RABGAP1: variants seen among roughly 807,000 people sequenced by gnomAD.
RABGAP1 encodes the protein RAB GTPase activating protein 1.
RABGAP1 carries 23 observed loss-of-function variants against 137.6 expected under a neutral mutation model. The observed-to-expected ratio is 0.17, with a 90% CI of 0.12 to 0.24. RABGAP1 has a LOEUF of 0.24. Among genes scored for constraint, RABGAP1 ranks in the 10% least tolerant of loss-of-function variants. The pLI, the probability that RABGAP1 is intolerant of heterozygous loss-of-function variation, is 1.00. For missense variants in RABGAP1, 906 were observed against 1,275.8 expected (o/e 0.71, Z 4.42); for synonymous variants, 451 against 450.7 (o/e 1.00, Z -0.01).
intron 10 of RABGAP1, among the ~76,000 whole-genome samples, chr9:123,004,144 T>A (rs1249875113): frequency 6.6e-6 from 1 of 152,226 alleles, no homozygotes; most frequent in Non-Finnish European, 1.5e-5. Context: ...ATTAGGTTGT[T>A]CCAGTATTTC....
chr9:122,945,035 C>A (rs934560640), intron 1 of RABGAP1, among the ~76,000 whole-genome samples: 5 of 151,078 alleles, frequency 3.3e-5, no homozygotes, highest in African/African-American at 1.2e-4. Context: ...ATGTAGTTAC[C>A]TTGTTTTACT....
At chr9:123,041,828 T>C (rs761280770) in intron 13 of RABGAP1, among the ~76,000 whole-genome samples, 1 of 152,160 alleles carries the variant, frequency 6.6e-6, no homozygotes, top group Non-Finnish European at 1.5e-5. Flanking sequence ...CCTATAAGCA[T>C]AGAGACTAAA....
chr9:123,082,377 A>G (rs2034735815), intron 19 of RABGAP1, among the ~76,000 whole-genome samples: 1 of 152,226 alleles, frequency 6.6e-6, no homozygotes, highest in South Asian at 2.1e-4. Flanking sequence ...ATTCCATTCT[A>G]AATAGATTAT....
At chr9:123,055,546 C>CTTTTTTTT (rs930532167) in intron 13 of RABGAP1, among the ~76,000 whole-genome samples, 2 of 121,962 alleles carry the variant, frequency 1.6e-5, no homozygotes, top group African/African-American at 6.4e-5. Flanking sequence ...ATTTCTTCTT[C>CTTTTTTTT]TTTTTTTTTT....
intron 6 of RABGAP1, among the ~76,000 whole-genome samples, chr9:122,992,471 A>T (rs1350326142): frequency 1.3e-5 from 2 of 152,112 alleles, no homozygotes; most frequent in Non-Finnish European, 2.9e-5. Flanking sequence ...TTCAAGGTAG[A>T]ATGATCATAA....
chr9:123,030,102 A>G (rs1480567981), intron 13 of RABGAP1, among the ~76,000 whole-genome samples: 1 of 152,178 alleles, frequency 6.6e-6, no homozygotes, highest in African/African-American at 2.4e-5. Context: ...GCGTGTTTGC[A>G]GGTCAGAAAG....
rs1432704638 is a variant in RABGAP1, at chr9:123,021,290, A to AC, written c.1794+831_1794+832insC. On this transcript the variant is annotated intron_variant, in intron 13 of 25. Transcript: ENST00000373647. ...AATGATATCTCTCTGTAAAGCTGTT[A>AC]TTTAAAAAAAAAAAAAAAACCTTAT... Among the ~76,000 whole-genome samples the AC allele has an allele frequency of 3.2e-4, 40 of 123,776 alleles. No homozygotes were observed. In the East Asian group the frequency reaches 3.7e-3, roughly 11 times the overall value. The allele number at this position is 123,776 out of a possible 152,430, so 81.2% of individuals were successfully genotyped here.
intron 15 of RABGAP1, among the ~76,000 whole-genome samples, chr9:123,072,706 C>G (rs1485912634): frequency 6.6e-6 from 1 of 152,202 alleles, no homozygotes; most frequent in Non-Finnish European, 1.5e-5. Context: ...CAGTAATGAT[C>G]TGCTATGCTT....
intron 9 of RABGAP1, 47 bp from the exon 10 acceptor site, chr9:122,998,550 T>G: frequency 7.5e-7 from 1 of 1,326,484 alleles, no homozygotes; most frequent in Non-Finnish European, 1.0e-6. Context: ...AGCAAATATA[T>G]TTGTGTTTCT....
At chr9:123,044,169 G>A (rs1358428034) in intron 13 of RABGAP1, among the ~76,000 whole-genome samples, 1 of 151,942 alleles carries the variant, frequency 6.6e-6, no homozygotes, top group African/African-American at 2.4e-5. Context: ...TCCCAAAGTG[G>A]TAGGATTACA....
chr9:123,014,253 G>C (rs756238852), intron 11 of RABGAP1, among the ~76,000 whole-genome samples: 19 of 152,038 alleles, frequency 1.2e-4, no homozygotes, highest in Non-Finnish European at 2.6e-4. Flanking sequence ...TTATTTCACT[G>C]TCTTCATATC....
At position 122,964,579 on chromosome 9, in the gene RABGAP1, G is replaced by A. The variant is rs565556751; in HGVS notation, c.150+7370G>A. On this transcript the variant is annotated intron_variant, in intron 2 of 25. Transcript: ENST00000373647. ...GAAATACAATGGAACATTTCAACCT[G>A]ATAAAGGACATTTACAGAAAGCTCA... Among the ~76,000 whole-genome samples, 25 of 152,292 alleles carry A rather than the reference G, an allele frequency of 1.6e-4. No individual in the cohort carries two copies. In the South Asian group the frequency reaches 2.5e-3, roughly 15 times the overall value.
chr9:122,962,202 G>T (rs1172357747), intron 2 of RABGAP1, among the ~76,000 whole-genome samples: 1 of 151,664 alleles, frequency 6.6e-6, no homozygotes, highest in Non-Finnish European at 1.5e-5. Context: ...CTGATAAGAT[G>T]TGCATTGTTT....
chr9:123,005,438 C>A (rs1380180551), intron 10 of RABGAP1, among the ~76,000 whole-genome samples: 1 of 152,060 alleles, frequency 6.6e-6, no homozygotes, highest in Non-Finnish European at 1.5e-5. Flanking sequence ...GGTTTATTAT[C>A]CTGATTTCAT....
At chr9:122,994,914 C>T (rs764741420) in intron 6 of RABGAP1, among the ~76,000 whole-genome samples, 1 of 151,926 alleles carries the variant, frequency 6.6e-6, no homozygotes, top group Admixed American at 6.6e-5. Context: ...CCCATGAGTT[C>T]GAGACCAGCC....
chr9:123,007,373 C>CTT (rs1298703088), intron 10 of RABGAP1, among the ~76,000 whole-genome samples: 19 of 112,756 alleles, frequency 1.7e-4, no homozygotes, highest in Non-Finnish European at 2.1e-4. Context: ...CTGAGCCTGG[C>CTT]TTTTTTTTTT....
At chr9:123,047,503 T>C (rs939211734) in intron 13 of RABGAP1, among the ~76,000 whole-genome samples, 1 of 152,212 alleles carries the variant, frequency 6.6e-6, no homozygotes. Flanking sequence ...TTATTTCCTA[T>C]GTGCTGATAA....
intron 25 of RABGAP1, 40 bp from the exon 26 acceptor site, chr9:123,103,051 A>T: frequency 1.2e-6 from 2 of 1,603,548 alleles, no homozygotes; most frequent in Non-Finnish European, 1.7e-6. Context: ...TGTCATTGAC[A>T]CCAAGCCCAG....
Position 123,078,235 on chromosome 9 carries a change from A to AT in RABGAP1, c.2424+1474dup. Among the ~76,000 whole-genome samples the AT allele has an allele frequency of 2.6e-5, 4 of 152,226 alleles. No homozygotes were observed. The South Asian group carries it at 8.3e-4, about 32-fold the overall frequency. On this transcript the variant is annotated intron_variant, in intron 19 of 25. Coordinates refer to ENST00000373647, the MANE Select transcript of RABGAP1 (RefSeq NM_012197.4). ...CAGTAGAAATCATAATATAAAATGAATAGTGGATTAGAAAAAAAAAAGGAA... is the reference window on the plus strand; with the variant it reads ...CAGTAGAAATCATAATATAAAATGAATTAGTGGATTAGAAAAAAAAAAGGAA...
Sources: allele counts gnomAD v4.1 joint callset (sites outside exome capture counted in the v4.1 genomes callset), GRCh38; gene constraint gnomAD v4.1.1; transcripts MANE v1.5; gene names NCBI Gene and HGNC (gene_info 2026-07-23, HGNC 2026-07-21).